The following IL1RAPL2 variants were observed in gnomAD, a reference collection of about 807,000 sequenced individuals.
IL1RAPL2 encodes X-linked interleukin-1 receptor accessory protein-like 2.
A neutral mutation model predicts 44.1 loss-of-function variants in IL1RAPL2; 3 were observed. The observed-to-expected ratio is 0.07, with a 90% CI of 0.03 to 0.18. The LOEUF is 0.18. IL1RAPL2 is among the 10% of genes least tolerant of loss of function. The pLI is 1.00. For synonymous variants in IL1RAPL2, 181 were observed against 178.8 expected (o/e 1.01, Z -0.10); for missense variants, 391 against 496.4 (o/e 0.79, Z 2.02).
rs2037052283 is a variant in IL1RAPL2 at position 105,576,598 on chromosome X, A to T, written c.772+92211A>T. Among the ~76,000 whole-genome samples, 6 of 111,220 alleles carry T rather than the reference A, an allele frequency of 5.4e-5. No individual in the cohort carries two copies. The Admixed American group carries it at 5.8e-4, about 11-fold the overall frequency. On this transcript the variant is annotated intron_variant, in intron 6 of 10. Coordinates refer to ENST00000372582, the MANE Select transcript of IL1RAPL2 (RefSeq NM_017416.2). Reference sequence around the variant, plus strand: ...ACGCTTTGCCCAGTCATTTTCTTTGAAGAACTTATATTCTTCTAGGGAGCT... The same window carrying T: ...ACGCTTTGCCCAGTCATTTTCTTTGTAGAACTTATATTCTTCTAGGGAGCT...
At chrX:105,080,459 C>G (rs866505452) in intron 2 of IL1RAPL2, among the ~76,000 whole-genome samples, 12 of 111,910 alleles carry the variant, frequency 1.1e-4, no homozygotes, top group Non-Finnish European at 2.3e-4. Flanking sequence ...TTCCCAACAC[C>G]ATTTATTAAA....
rs760976704 is a variant in IL1RAPL2 at position 105,260,775 on chromosome X, C to A, written c.544-6613C>A. Among the ~76,000 whole-genome samples the A allele has an allele frequency of 9.2e-4, 104 of 112,487 alleles. 1 individual carries two copies. The highest frequency in any genetic ancestry group is 3.2e-3 in the African/African-American group (99 of 30,995). On this transcript the variant is annotated intron_variant, in intron 4 of 10. Transcript: ENST00000372582. ...GCTTAGACTCTCCAAAGCCTGAAGG[C>A]TGGAATGGCTAAGTCACCCAAACAG...
chrX:105,021,301 G>GTTTCT (rs1236055082), intron 2 of IL1RAPL2, among the ~76,000 whole-genome samples: 32 of 111,375 alleles, frequency 2.9e-4, no homozygotes, highest in African/African-American at 9.1e-4. Flanking sequence ...GGCTGTGTGG[G>GTTTCT]TCAGGGAAAA....
At chrX:105,230,077 G>A (rs1603023453) in intron 3 of IL1RAPL2, among the ~76,000 whole-genome samples, 1 of 112,236 alleles carries the variant, frequency 8.9e-6, no homozygotes, top group Non-Finnish European at 1.9e-5. Context: ...GATTACAGGC[G>A]TGAGCCACCA....
At chrX:105,072,632 T>G (rs754740760) in intron 2 of IL1RAPL2, among the ~76,000 whole-genome samples, 1 of 111,375 alleles carries the variant, frequency 9.0e-6, no homozygotes, top group Non-Finnish European at 1.9e-5. Flanking sequence ...ATCACTCTTA[T>G]TCTTTTTTTT....
chrX:105,171,035 G>A (rs1394781406), intron 2 of IL1RAPL2, among the ~76,000 whole-genome samples: 1 of 111,411 alleles, frequency 9.0e-6, no homozygotes, highest in Non-Finnish European at 1.9e-5. Context: ...GAGTTGTTGA[G>A]CCAGCAGACT....
At chrX:105,376,841 A>G (rs184019687) in intron 5 of IL1RAPL2, among the ~76,000 whole-genome samples, 41 of 112,137 alleles carry the variant, frequency 3.7e-4, no homozygotes, top group African/African-American at 1.3e-3. Context: ...AACAATCTGT[A>G]TGTTGATTGT....
At chrX:104,659,976 A>G (rs1056128653) in intron 2 of IL1RAPL2, among the ~76,000 whole-genome samples, 18 of 111,809 alleles carry the variant, frequency 1.6e-4, no homozygotes, top group African/African-American at 4.9e-4. Flanking sequence ...TCTTCAATTG[A>G]TAGCATATTA....
intron 5 of IL1RAPL2, among the ~76,000 whole-genome samples, chrX:105,472,016 T>A (rs1602427234): frequency 9.2e-6 from 1 of 108,264 alleles, no homozygotes; most frequent in East Asian, 2.9e-4. Context: ...GCAGAGGAAG[T>A]GTCAGTCCAG....
At chrX:104,908,151 G>C (rs1039623135) in intron 2 of IL1RAPL2, among the ~76,000 whole-genome samples, 7 of 111,001 alleles carry the variant, frequency 6.3e-5, no homozygotes, top group Admixed American at 5.8e-4. Context: ...TTTTCCATTT[G>C]CTTGGTAGAT....
chrX:104,851,313 C>T (rs193100985), intron 2 of IL1RAPL2, among the ~76,000 whole-genome samples: 25 of 111,502 alleles, frequency 2.2e-4, no homozygotes, highest in African/African-American at 7.8e-4. Context: ...TTAAAACAGG[C>T]ACAAAGAAAC....
intron 2 of IL1RAPL2, among the ~76,000 whole-genome samples, chrX:104,870,685 T>C (rs1922738442): frequency 8.9e-6 from 1 of 111,884 alleles, no homozygotes. Flanking sequence ...TTATGGAAAA[T>C]TGTCAGGGTG....
At chrX:105,564,236 T>C (rs1030280776) in intron 6 of IL1RAPL2, among the ~76,000 whole-genome samples, 2 of 111,530 alleles carry the variant, frequency 1.8e-5, no homozygotes, top group South Asian at 3.8e-4. Flanking sequence ...ACATGTGAAT[T>C]TGAGGGGGTA....
At chrX:105,196,605 G>T (rs1418392351) in intron 3 of IL1RAPL2, among the ~76,000 whole-genome samples, 1 of 111,602 alleles carries the variant, frequency 9.0e-6, no homozygotes, top group Admixed American at 9.5e-5. Context: ...GTCATCCTGA[G>T]TTTCTGGGTA....
intron 2 of IL1RAPL2, among the ~76,000 whole-genome samples, chrX:105,021,557 C>A (rs1366061015): frequency 1.8e-5 from 2 of 111,417 alleles, no homozygotes; most frequent in Non-Finnish European, 3.8e-5. Context: ...CCAGCACTGA[C>A]AACATCTCTG....
intron 5 of IL1RAPL2, among the ~76,000 whole-genome samples, chrX:105,294,726 C>T (rs1481025718): frequency 8.9e-6 from 1 of 112,058 alleles, no homozygotes; most frequent in Non-Finnish European, 1.9e-5. Context: ...AGATGTAATA[C>T]CTTTTTCCAG....
At position 104,650,323 on chromosome X, in the gene IL1RAPL2, T is replaced by C. The variant is rs73243893; in HGVS notation, c.-19-8572T>C. ...CTTTCTTCACACAGCAGTAAGTTGGTTGTAAAATCACCAACAGGAAAAAGT... is the reference window on the plus strand; with the variant it reads ...CTTTCTTCACACAGCAGTAAGTTGGCTGTAAAATCACCAACAGGAAAAAGT... On this transcript the variant is annotated intron_variant, in intron 1 of 10. Transcript: ENST00000372582. 4.3e-3 allele frequency among the ~76,000 whole-genome samples: 485 copies of C among 112,070 alleles called. 1 individual carries two copies. The highest frequency in any genetic ancestry group is 7.8e-3 in the Non-Finnish European group (415 of 53,108).
intron 7 of IL1RAPL2, among the ~76,000 whole-genome samples, chrX:105,734,237 C>A (rs980546656): frequency 2.1e-4 from 23 of 110,321 alleles, no homozygotes; most frequent in Non-Finnish European, 3.6e-4. Flanking sequence ...TGAGCTTGTG[C>A]CCCTGGTATG....
chrX:105,039,896 G>T (rs766719577), intron 2 of IL1RAPL2, among the ~76,000 whole-genome samples: 1 of 110,551 alleles, frequency 9.0e-6, no homozygotes, highest in Non-Finnish European at 1.9e-5. Context: ...TAATTGCCCT[G>T]GCCAGAACTT....
Sources: allele counts gnomAD v4.1 joint callset (sites outside exome capture counted in the v4.1 genomes callset), GRCh38; gene constraint gnomAD v4.1.1; transcripts MANE v1.5; gene names NCBI Gene and HGNC (gene_info 2026-07-23, HGNC 2026-07-21).